The following UHRF2 variants were observed in gnomAD, a reference collection of about 807,000 sequenced individuals.
UHRF2 encodes the protein E3 ubiquitin-protein ligase UHRF2.
UHRF2 carries 23 observed loss-of-function variants against 96.8 expected under a neutral mutation model. That is an observed-to-expected ratio of 0.24 (90% CI 0.17 to 0.34). The LOEUF (loss-of-function observed/expected upper bound fraction) is 0.34. Among genes scored for constraint, UHRF2 ranks in the 10% least tolerant of loss-of-function variants. The pLI is 1.00. For synonymous variants in UHRF2, 385 were observed against 332.6 expected, an observed-to-expected ratio of 1.16 and a Z score of -1.72; for missense variants, 685 against 981.5, an observed-to-expected ratio of 0.70 and a Z score of 4.04.
intron 5 of UHRF2, among the ~76,000 whole-genome samples, chr9:6,476,906 C>T (rs1823607454): frequency 1.3e-5 from 2 of 152,078 alleles, no homozygotes; most frequent in Non-Finnish European, 2.9e-5. Flanking sequence ...GGCATTTATT[C>T]TTAAAACCTC....
At chr9:6,427,854 G>C (rs557082146) in intron 2 of UHRF2, among the ~76,000 whole-genome samples, 1 of 152,156 alleles carries the variant, frequency 6.6e-6, no homozygotes, top group East Asian at 1.9e-4. Context: ...ACAGAGGCTG[G>C]GTCCATCCAT....
chr9:6,457,658 C>T (rs910428772), intron 3 of UHRF2, among the ~76,000 whole-genome samples: 1 of 152,020 alleles, frequency 6.6e-6, no homozygotes, highest in Admixed American at 6.6e-5. Context: ...ATAAATAGCT[C>T]TTATTATTTT....
chr9:6,416,019 G>A (rs1165142397), intron 1 of UHRF2, among the ~76,000 whole-genome samples: 5 of 152,158 alleles, frequency 3.3e-5, no homozygotes, highest in African/African-American at 1.2e-4. Flanking sequence ...TGATCTGTAT[G>A]TAGGTGAAGT....
At chr9:6,417,167 A>G (rs1359672981) in intron 1 of UHRF2, among the ~76,000 whole-genome samples, 1 of 152,122 alleles carries the variant, frequency 6.6e-6, no homozygotes, top group Admixed American at 6.6e-5. Context: ...CCTCTCAGCC[A>G]CTTCCACTTG....
rs1823940075 is a variant in UHRF2 at position 6,481,712 on chromosome 9, A to G, written c.1230A>G (p.Lys410=). 5.0e-6 allele frequency: 8 copies of G among 1,613,872 alleles called. No homozygotes were observed. The Admixed American group carries it at 8.3e-5, about 17-fold the overall frequency. Reference sequence around the variant, plus strand: ...CTGGTGAAAGACTCAAGATGAGTAAAAAGAAAGCAAAGATGCCGTCAGCTA... The same window carrying G: ...CTGGTGAAAGACTCAAGATGAGTAAGAAGAAAGCAAAGATGCCGTCAGCTA... ...VKAGERLKMS[K]KKAKMPSAST... The change falls in exon 7 of 16, where the codon AAA becomes AAG. Residue 410 remains lysine, a synonymous_variant. Coordinates refer to ENST00000276893, the MANE Select transcript of UHRF2 (RefSeq NM_152896.3).
At chr9:6,494,224 A>T (rs1824837281) in intron 10 of UHRF2, 1 of 288,712 alleles carries the variant, frequency 3.5e-6, no homozygotes, top group Non-Finnish European at 6.4e-6. Context: ...AATTGAGAAT[A>T]AGGTGGCTTG....
chr9:6,437,599 G>A (rs1198304980), intron 3 of UHRF2, among the ~76,000 whole-genome samples: 6 of 151,892 alleles, frequency 4.0e-5, no homozygotes. Flanking sequence ...TAGTTATGCT[G>A]TAAATCTGTT....
At chr9:6,489,994 C>T (rs969013140) in intron 9 of UHRF2, among the ~76,000 whole-genome samples, 2 of 151,988 alleles carry the variant, frequency 1.3e-5, no homozygotes, top group Non-Finnish European at 2.9e-5. Context: ...TATTTTGAAG[C>T]TATATCTTTG....
chr9:6,463,557 G>A (rs954335189), intron 4 of UHRF2, among the ~76,000 whole-genome samples: 4 of 150,998 alleles, frequency 2.6e-5, no homozygotes, highest in African/African-American at 9.8e-5. Context: ...TGCAACCTCC[G>A]CCTCCTGGAT....
In UHRF2 at chr9:6,499,946, C is replaced by G. The variant is rs756060262; in HGVS notation, c.2005+15C>G. 4.9e-5 allele frequency: 76 copies of G among 1,558,404 alleles called. No individual in the cohort carries two copies. Among genetic ancestry groups the G allele is most frequent in the Non-Finnish European group, 6.6e-5 (75 of 1,135,304 alleles). On this transcript the variant is annotated intron_variant, in intron 13 of 15. Transcript: ENST00000276893. Reference sequence around the variant, plus strand: ...AATTTCAGATGGTAGGTAATGATTGCAAAATATAAATAATAATAACATACT... The same window carrying G: ...AATTTCAGATGGTAGGTAATGATTGGAAAATATAAATAATAATAACATACT...
At chr9:6,444,225 C>T (rs958150722) in intron 3 of UHRF2, among the ~76,000 whole-genome samples, 1 of 152,180 alleles carries the variant, frequency 6.6e-6, no homozygotes, top group African/African-American at 2.4e-5. Flanking sequence ...GGTAAAATAA[C>T]CTGTCTGCTC....
At chr9:6,416,141 ACAACCTCTGC>A (rs894602795) in intron 1 of UHRF2, among the ~76,000 whole-genome samples, 6 of 151,638 alleles carry the variant, frequency 4.0e-5, no homozygotes, top group Non-Finnish European at 7.4e-5. Context: ...TCGGCTTACT[ACAACCTCTGC>A]CTCCCGGGTT....
At chr9:6,477,173 C>T (rs867263496) in intron 5 of UHRF2, among the ~76,000 whole-genome samples, 6 of 151,898 alleles carry the variant, frequency 4.0e-5, no homozygotes, top group African/African-American at 1.2e-4. Flanking sequence ...GCAGGGGCTG[C>T]AGTGAGCTAA....
At position 6,441,320 on chromosome 9, in the gene UHRF2, G is replaced by C. The variant is rs182557990; in HGVS notation, c.644+7147G>C. Among the ~76,000 whole-genome samples the C allele has an allele frequency of 3.2e-3, 483 of 152,060 alleles. 3 individuals are homozygous for C. Among genetic ancestry groups the C allele is most frequent in the Non-Finnish European group, 5.4e-3 (369 of 67,988 alleles). Reference sequence around the variant, plus strand: ...GCCCAGGAGGTGGAGGTTGCAGTGAGTGAAGATTGTGCCATTGTACTCCAG... The same window carrying C: ...GCCCAGGAGGTGGAGGTTGCAGTGACTGAAGATTGTGCCATTGTACTCCAG... On this transcript the variant is annotated intron_variant, in intron 3 of 15. Coordinates refer to ENST00000276893, the MANE Select transcript of UHRF2 (RefSeq NM_152896.3).
intron 4 of UHRF2, among the ~76,000 whole-genome samples, chr9:6,473,938 A>G (rs184697063): frequency 6.6e-5 from 10 of 152,366 alleles, no homozygotes; most frequent in African/African-American, 2.4e-4. Context: ...GAGAAACACT[A>G]TAGGACAAAT....
intron 2 of UHRF2, among the ~76,000 whole-genome samples, chr9:6,427,775 G>C (rs898075578): frequency 6.6e-6 from 1 of 152,260 alleles, no homozygotes; most frequent in African/African-American, 2.4e-5. Flanking sequence ...ACCAGTTTCA[G>C]ATATTTTCAT....
Position 6,413,545 on chromosome 9 carries a change from G to T in UHRF2, c.55G>T (p.Val19Leu). Residue 19 changes from valine (V) to leucine (L), a missense_variant, in exon 1 of 16, where the codon GTG becomes TTG. Transcript: ENST00000276893. ...DGSKTCTIED[V>L]SRKATIEELR... ...CTCCAAGACGTGCACCATTGAGGACGTGTCTCGCAAAGCCACGATTGAGGA... is the reference window on the plus strand; with the variant it reads ...CTCCAAGACGTGCACCATTGAGGACTTGTCTCGCAAAGCCACGATTGAGGA... 6.3e-7 allele frequency: 1 copy of T among 1,596,534 alleles called. No homozygotes were observed. Among genetic ancestry groups the T allele is most frequent in the Non-Finnish European group, 8.5e-7 (1 of 1,172,388 alleles).
At chr9:6,457,141 A>G (rs1421096358) in intron 3 of UHRF2, among the ~76,000 whole-genome samples, 2 of 152,204 alleles carry the variant, frequency 1.3e-5, no homozygotes, top group African/African-American at 2.4e-5. Flanking sequence ...ATCCATGAGC[A>G]TGGAATGTTG....
chr9:6,466,497 G>A lies in UHRF2; in HGVS notation c.863+5706G>A, dbSNP rs754321507. ...TGAGGTTGTAGTGAGCAGAGATCAC[G>A]CCACTGTACTCCAGCCTGGGTGACA... is the stretch of plus-strand genomic sequence containing the variant. On this transcript the variant is annotated intron_variant, in intron 4 of 15. Coordinates refer to ENST00000276893, the MANE Select transcript of UHRF2 (RefSeq NM_152896.3). 8.8e-5 allele frequency among the ~76,000 whole-genome samples: 12 copies of A among 136,158 alleles called. No homozygotes were observed. The South Asian group carries it at 2.0e-3, about 22-fold the overall frequency. The allele number at this position is 136,158 out of a possible 152,430, so 89.3% of individuals were successfully genotyped here. A position where few individuals can be genotyped will look rare whatever the true frequency, so the allele number is the denominator to read the frequency against.
Sources: allele counts gnomAD v4.1 joint callset (sites outside exome capture counted in the v4.1 genomes callset), GRCh38; gene constraint gnomAD v4.1.1; transcripts MANE v1.5; gene names NCBI Gene and HGNC (gene_info 2026-07-23, HGNC 2026-07-21).